ZNF506: variants seen among roughly 807,000 people sequenced by gnomAD.
The protein encoded by ZNF506 is zinc finger protein 506.
A neutral mutation model predicts 11.6 loss-of-function variants in ZNF506; 10 were observed. That is an observed-to-expected ratio of 0.86 (90% CI 0.53 to 1.46). The LOEUF is 1.46. ZNF506 is among the 40% of genes most tolerant of loss of function. The pLI, the probability that ZNF506 is intolerant of heterozygous loss-of-function variation, is 0.00. For missense variants in ZNF506, 425 were observed against 521.2 expected (o/e 0.82, Z 1.80); for synonymous variants, 156 against 173.3 (o/e 0.90, Z 0.78).
chr19:19,814,088 T>G (rs999122127), intron 1 of ZNF506, among the ~76,000 whole-genome samples: 7 of 152,062 alleles, frequency 4.6e-5, no homozygotes, highest in Non-Finnish European at 7.4e-5. Context: ...ATAACACTGA[T>G]GAAGCTGGAG....
rs1243600334 is a variant in ZNF506, at chr19:19,793,188, G to T, written c.*1364C>A. On this transcript the variant is annotated 3_prime_UTR_variant, in exon 4 of 4. Coordinates refer to ENST00000540806, the MANE Select transcript of ZNF506 (RefSeq NM_001099269.3). Reference sequence around the variant, plus strand: ...TGCTTCAGAAAATCTCCCTTTTAAAGTTATATACAAAAACAGCTTTAGTTG... The same window carrying T: ...TGCTTCAGAAAATCTCCCTTTTAAATTTATATACAAAAACAGCTTTAGTTG... 6.6e-6 allele frequency among the ~76,000 whole-genome samples: 1 copy of T among 151,976 alleles called. No individual in the cohort carries two copies. The highest frequency in any genetic ancestry group is 1.9e-4 in the East Asian group (1 of 5,190).
chr19:19,808,442 C>A (rs1284825940), intron 1 of ZNF506, among the ~76,000 whole-genome samples: 1 of 151,516 alleles, frequency 6.6e-6, no homozygotes, highest in Non-Finnish European at 1.5e-5. Context: ...CCATTAACTG[C>A]ACTAGGACAA....
intron 3 of ZNF506, chr19:19,798,560 CAGA>C (rs1409637683): frequency 1.5e-5 from 2 of 137,784 alleles, no homozygotes; most frequent in Admixed American, 1.6e-4. Context: ...GAGGCTGAGG[CAGA>C]AGAATGGTGT....
intron 1 of ZNF506, 142 bp downstream of exon 1, chr19:19,821,459 G>T: frequency 9.0e-7 from 1 of 1,105,968 alleles, no homozygotes; most frequent in Non-Finnish European, 1.4e-6. Flanking sequence ...GGGCGGAGCT[G>T]GGCAATGAGA....
intron 1 of ZNF506, among the ~76,000 whole-genome samples, chr19:19,809,457 G>A (rs199866774): frequency 1.7e-5 from 2 of 116,472 alleles, no homozygotes; most frequent in African/African-American, 4.1e-5. Context: ...ACCTGAAGGG[G>A]AAGTTATTTT....
chr19:19,813,815 C>T (rs2062904146), intron 1 of ZNF506, among the ~76,000 whole-genome samples: 1 of 151,664 alleles, frequency 6.6e-6, no homozygotes, highest in Non-Finnish European at 1.5e-5. Flanking sequence ...ACAGAAAATA[C>T]AAAGAGAAAA....
intron 3 of ZNF506, chr19:19,799,546 T>C: frequency 1.9e-6 from 1 of 535,830 alleles, no homozygotes; most frequent in Middle Eastern, 3.1e-4. Context: ...TATAAGACAA[T>C]AATATAAATA....
intron 3 of ZNF506, among the ~76,000 whole-genome samples, chr19:19,805,272 A>G (rs532570994): frequency 1.4e-4 from 21 of 152,242 alleles, no homozygotes; most frequent in Non-Finnish European, 2.5e-4. Context: ...AAAATTAACC[A>G]AGGAGGTAAT....
At chr19:19,807,172 T>TA (rs2062842299) in intron 1 of ZNF506, 104 bp from the exon 2 acceptor site, 28 of 1,552,194 alleles carry the variant, frequency 1.8e-5, no homozygotes, top group Non-Finnish European at 2.4e-5. Flanking sequence ...TTCTGACTTA[T>TA]AGGACTAAAA....
intron 3 of ZNF506, among the ~76,000 whole-genome samples, chr19:19,800,531 G>C (rs1009019785): frequency 1.3e-5 from 2 of 150,830 alleles, no homozygotes; most frequent in African/African-American, 2.4e-5. Flanking sequence ...ATTCCCCTGC[G>C]TCACCCTCCT....
rs777158697 is a variant in ZNF506 at position 19,795,435 on chromosome 19, A to G, written c.452T>C (p.Val151Ala). The G allele has an allele frequency of 3.8e-6, 6 of 1,595,924 alleles. No individual in the cohort carries two copies. The East Asian group carries it at 1.3e-4, about 36-fold the overall frequency. Reference protein sequence around the residue: ...QRKIFQCDEYVKFLHKFSNSN... With the variant: ...QRKIFQCDEYAKFLHKFSNSN... ...ATTTGAAAATTTATGCAAGAATTTC[A>G]CATATTCATCACATTGAAATATTTT... Residue 151 changes from valine (V) to alanine (A), a missense_variant, in exon 4 of 4, where the codon GTG (valine) becomes GCG (alanine). Around this residue, in one of 3 missense-constraint regions of ZNF506, gnomAD observed 226 missense variants for 279.1 expected, o/e 0.81. Coordinates refer to ENST00000540806, the MANE Select transcript of ZNF506 (RefSeq NM_001099269.3).
chr19:19,799,535 G>A (rs2062772888), intron 3 of ZNF506: 1 of 591,800 alleles, frequency 1.7e-6, no homozygotes, highest in Non-Finnish European at 3.0e-6. Context: ...TGGAATTAGA[G>A]TATAAGACAA....
At chr19:19,810,064 C>T (rs1444490316) in intron 1 of ZNF506, among the ~76,000 whole-genome samples, 1 of 152,208 alleles carries the variant, frequency 6.6e-6, no homozygotes, top group Non-Finnish European at 1.5e-5. Flanking sequence ...GCTTATAAAT[C>T]ACTTGGTAAT....
intron 1 of ZNF506, among the ~76,000 whole-genome samples, chr19:19,815,193 G>C (rs1420636824): frequency 2.6e-5 from 4 of 152,198 alleles, no homozygotes; most frequent in Non-Finnish European, 5.9e-5. Flanking sequence ...CCGGGAGGCG[G>C]AGCCTGCAGT....
rs56796199 is a variant in ZNF506, at chr19:19,802,707, T to C, written c.226+3324A>G. ...TACTTCAGGCATACCATGCAAATTCTAGCACACTGTCCTAAATTTCTGAAT... is the reference window on the plus strand; with the variant it reads ...TACTTCAGGCATACCATGCAAATTCCAGCACACTGTCCTAAATTTCTGAAT... On this transcript the variant is annotated intron_variant, in intron 3 of 3. Transcript: ENST00000540806. 1.3e-3 allele frequency among the ~76,000 whole-genome samples: 202 copies of C among 152,354 alleles called. 1 individual carries two copies. Among genetic ancestry groups the C allele is most frequent in the African/African-American group, 4.5e-3 (189 of 41,592 alleles).
chr19:19,809,753 A>G (rs573713369), intron 1 of ZNF506, among the ~76,000 whole-genome samples: 1 of 152,288 alleles, frequency 6.6e-6, no homozygotes, highest in South Asian at 2.1e-4. Flanking sequence ...AGTAATGGAA[A>G]TATGTGCCAC....
intron 1 of ZNF506, among the ~76,000 whole-genome samples, chr19:19,815,515 C>T (rs573734088): frequency 5.9e-5 from 9 of 152,272 alleles, no homozygotes; most frequent in African/African-American, 9.6e-5. Flanking sequence ...AGCCTGTGTA[C>T]GACAGAGCAG....
At chr19:19,812,994 A>G (rs2062894670) in intron 1 of ZNF506, among the ~76,000 whole-genome samples, 1 of 152,212 alleles carries the variant, frequency 6.6e-6, no homozygotes, top group Non-Finnish European at 1.5e-5. Context: ...CTATATTTAA[A>G]TACATCTGAC....
At position 19,794,901 on chromosome 19, in the gene ZNF506, G is replaced by A. The variant is rs772778224; in HGVS notation, c.986C>T (p.Thr329Ile). Residue 329 changes from threonine to isoleucine, a missense_variant, in exon 4 of 4, where the codon ACT becomes ATT. Physicochemically the swap from Thr to Ile is moderately conservative, Grantham distance 89. Around this residue, in one of 3 missense-constraint regions of ZNF506, gnomAD observed 192 missense variants for 215.7 expected, o/e 0.89. Transcript: ENST00000540806. ...GKAFNRSSNL[T>I]KHKRIHTGDV... ...TCCAGTATGAATTCTCTTATGTTTA[G>A]TAAGGTTTGAGGAACGGTTAAAAGC... The A allele has an allele frequency of 1.2e-6, 2 of 1,613,588 alleles. No homozygotes were observed. Among genetic ancestry groups the A allele is most frequent in the Non-Finnish European group, 1.7e-6 (2 of 1,179,926 alleles).
Sources: allele counts gnomAD v4.1 joint callset (sites outside exome capture counted in the v4.1 genomes callset), GRCh38; gene constraint gnomAD v4.1.1; regional missense constraint gnomAD v4.1.1; transcripts MANE v1.5; gene names NCBI Gene and HGNC (gene_info 2026-07-23, HGNC 2026-07-21).